The following BNC2 variants were observed in gnomAD, a reference collection of about 807,000 sequenced individuals.
BNC2 encodes the protein zinc finger protein basonuclin-2.
In BNC2, 20 loss-of-function variants were observed where a neutral mutation model predicts 76.3. The observed-to-expected ratio is 0.26, with a 90% confidence interval of 0.18 to 0.38. The LOEUF is 0.38. Among genes scored for constraint, BNC2 ranks in the 10% least tolerant of loss-of-function variants. BNC2 has a pLI of 1.00. For missense variants in BNC2, 1,382 were observed against 1,399.8 expected (o/e 0.99, Z 0.20); for synonymous variants, 582 against 514.8 (o/e 1.13, Z -1.77).
At chr9:16,457,292 T>G (rs1241531772) in intron 5 of BNC2, among the ~76,000 whole-genome samples, 3 of 152,210 alleles carry the variant, frequency 2.0e-5, no homozygotes, top group Non-Finnish European at 4.4e-5. Flanking sequence ...GAATCTTATG[T>G]AAGTTAGTTT....
At chr9:16,454,469 T>A (rs1821406586) in intron 5 of BNC2, among the ~76,000 whole-genome samples, 1 of 152,120 alleles carries the variant, frequency 6.6e-6, no homozygotes, top group Non-Finnish European at 1.5e-5. Context: ...CCCAGCTAAT[T>A]TTTTATTTTA....
At chr9:16,543,791 G>A (rs1167415203) in intron 5 of BNC2, among the ~76,000 whole-genome samples, 1 of 152,060 alleles carries the variant, frequency 6.6e-6, no homozygotes, top group Non-Finnish European at 1.5e-5. Context: ...TCCCCATCAC[G>A]GTAACTTTAA....
At chr9:16,540,443 G>A (rs371324808) in intron 5 of BNC2, among the ~76,000 whole-genome samples, 3 of 151,980 alleles carry the variant, frequency 2.0e-5, no homozygotes, top group African/African-American at 2.4e-5. Flanking sequence ...ACGTCAATAC[G>A]CATATTACAA....
chr9:16,495,199 T>TA (rs1822361987), intron 5 of BNC2, among the ~76,000 whole-genome samples: 1 of 152,100 alleles, frequency 6.6e-6, no homozygotes, highest in African/African-American at 2.4e-5. Flanking sequence ...TAGCAGATCC[T>TA]AAAAAAGGAC....
Position 16,824,798 on chromosome 9 carries a change from C to A in BNC2, c.3+45848G>T, listed in dbSNP as rs116895416. On this transcript the variant is annotated intron_variant, in intron 1 of 6. Coordinates refer to ENST00000380672, the MANE Select transcript of BNC2 (RefSeq NM_017637.6). ...CAAACTTGTCTATAAACAGCAGAGG[C>A]ACAGTGAAAGAGAACCCAAAGCCAC... Among the ~76,000 whole-genome samples the A allele has an allele frequency of 3.9e-5, 6 of 152,260 alleles. No individual in the cohort carries two copies. The East Asian group carries it at 1.2e-3, about 29-fold the overall frequency.
At chr9:16,517,477 T>C (rs1030202501) in intron 5 of BNC2, among the ~76,000 whole-genome samples, 1 of 152,180 alleles carries the variant, frequency 6.6e-6, no homozygotes, top group African/African-American at 2.4e-5. Context: ...ATCATGAGTA[T>C]GTGTTTTAAA....
At chr9:16,863,294 T>G (rs1189482791) in intron 1 of BNC2, among the ~76,000 whole-genome samples, 1 of 152,308 alleles carries the variant, frequency 6.6e-6, no homozygotes, top group Admixed American at 6.5e-5. Flanking sequence ...TAGCTGGGCA[T>G]TTAGCATCCC....
chr9:16,800,852 A>C (rs372300808), intron 1 of BNC2, among the ~76,000 whole-genome samples: 1 of 152,206 alleles, frequency 6.6e-6, no homozygotes, highest in Non-Finnish European at 1.5e-5. Context: ...TATGTTTCTA[A>C]GATAGTTGTC....
chr9:16,521,439 C>T (rs913777941), intron 5 of BNC2, among the ~76,000 whole-genome samples: 2 of 152,094 alleles, frequency 1.3e-5, no homozygotes, highest in Non-Finnish European at 1.5e-5. Flanking sequence ...TATGATATAA[C>T]GTGTTAGCAT....
At chr9:16,726,542 TACAA>T (rs1198655961) in intron 3 of BNC2, among the ~76,000 whole-genome samples, 2 of 132,712 alleles carry the variant, frequency 1.5e-5, no homozygotes, top group South Asian at 5.1e-4. Context: ...CGTGAACTCT[TACAA>T]ACAAAAGCTT....
At chr9:16,521,623 T>C (rs1817622556) in intron 5 of BNC2, among the ~76,000 whole-genome samples, 1 of 152,182 alleles carries the variant, frequency 6.6e-6, no homozygotes, top group Non-Finnish European at 1.5e-5. Context: ...TCTTTCTATG[T>C]GTGTGCCTTT....
At chr9:16,468,198 G>T (rs2131332315) in intron 5 of BNC2, among the ~76,000 whole-genome samples, 1 of 151,654 alleles carries the variant, frequency 6.6e-6, no homozygotes, top group Non-Finnish European at 1.5e-5. Flanking sequence ...GAGCCACCAT[G>T]CCTGGCCCTA....
chr9:16,423,190 A>G (rs1418997368), intron 6 of BNC2, among the ~76,000 whole-genome samples: 3 of 152,216 alleles, frequency 2.0e-5, no homozygotes, highest in Admixed American at 2.0e-4. Flanking sequence ...CTAGAAACAG[A>G]TTTAGTGTTC....
intron 1 of BNC2, among the ~76,000 whole-genome samples, chr9:16,794,269 T>C (rs186921312): frequency 1.3e-3 from 203 of 152,340 alleles, no homozygotes; most frequent in Non-Finnish European, 2.6e-3. Flanking sequence ...AGACTTCCTC[T>C]TACAAAGTAT....
chr9:16,714,914 G>A (rs780980658), intron 3 of BNC2, among the ~76,000 whole-genome samples: 6 of 152,016 alleles, frequency 3.9e-5, no homozygotes, highest in Non-Finnish European at 7.4e-5. Flanking sequence ...ATATAGACAG[G>A]CATTTTAAAC....
At chr9:16,820,197 AG>A (rs1245353530) in intron 1 of BNC2, among the ~76,000 whole-genome samples, 7 of 150,790 alleles carry the variant, frequency 4.6e-5, no homozygotes, top group African/African-American at 1.7e-4. Flanking sequence ...AGGCCGAGGC[AG>A]GTGGATCACC....
chr9:16,825,844 A>C (rs1807767844), intron 1 of BNC2, among the ~76,000 whole-genome samples: 1 of 152,096 alleles, frequency 6.6e-6, no homozygotes, highest in South Asian at 2.1e-4. Context: ...AACCACAGAC[A>C]GTCTTTCACC....
chr9:16,647,840 C>A (rs965586495), intron 3 of BNC2, among the ~76,000 whole-genome samples: 1 of 152,130 alleles, frequency 6.6e-6, no homozygotes, highest in African/African-American at 2.4e-5. Context: ...ATATGCTATT[C>A]CAGTTCACTT....
chr9:16,760,405 C>G (rs1250755702), intron 1 of BNC2, among the ~76,000 whole-genome samples: 1 of 152,064 alleles, frequency 6.6e-6, no homozygotes, highest in Non-Finnish European at 1.5e-5. Flanking sequence ...GGTTTATGGT[C>G]CTTTAAAGTT....
Sources: gnomAD v4.1 joint callset for allele counts (sites outside exome capture counted in the v4.1 genomes callset) on GRCh38, gnomAD v4.1.1 for gene constraint, MANE v1.5 for transcripts, NCBI Gene and HGNC (gene_info 2026-07-23, HGNC 2026-07-21) for gene names.